Variants in ATG3 observed in about 807,000 individuals in gnomAD.
ATG3 encodes ubiquitin-like-conjugating enzyme ATG3.
Under a neutral mutation model 50.7 loss-of-function variants are expected in ATG3, and 25 were observed. The observed-to-expected ratio is 0.49, with a 90% confidence interval of 0.36 to 0.69. The LOEUF is 0.69. ATG3 is among the 30% of genes least tolerant of loss of function. The pLI is 0.00. For missense variants in ATG3, 281 were observed against 376.0 expected (o/e 0.75, Z 2.09); for synonymous variants, 119 against 125.5 (o/e 0.95, Z 0.34).
chr3:112,534,262 A>G lies in ATG3; in HGVS notation c.863+7T>C. 1 of 1,601,682 alleles carries G rather than the reference A, an allele frequency of 6.2e-7. No individual in the cohort carries two copies. Reference sequence around the variant, plus strand: ...TTGCCACTAATCTTACATACAGGGAAGGATACATATGAACTCCAAGTTCTC... The same window carrying G: ...TTGCCACTAATCTTACATACAGGGAGGGATACATATGAACTCCAAGTTCTC... On this transcript the variant is annotated splice_region_variant and intron_variant, in intron 11 of 11. Coordinates refer to ENST00000283290, the MANE Select transcript of ATG3 (RefSeq NM_022488.5).
chr3:112,541,218 C>T (rs1316580366), intron 7 of ATG3, among the ~76,000 whole-genome samples: 3 of 152,096 alleles, frequency 2.0e-5, no homozygotes, highest in Non-Finnish European at 2.9e-5. Context: ...GAAATCCCGT[C>T]TCTACTAAAA....
chr3:112,547,255 C>T (rs1376611417), intron 5 of ATG3, among the ~76,000 whole-genome samples: 1 of 152,128 alleles, frequency 6.6e-6, no homozygotes, highest in African/African-American at 2.4e-5. Flanking sequence ...TTATCCATTC[C>T]AAAAAACAGT....
At chr3:112,553,654 G>A (rs1243563545) in intron 2 of ATG3, among the ~76,000 whole-genome samples, 1 of 152,012 alleles carries the variant, frequency 6.6e-6, no homozygotes, top group Non-Finnish European at 1.5e-5. Context: ...TAAATGTAAG[G>A]CTATCAGATT....
rs1206075720 is a variant in ATG3, at chr3:112,558,820, T to A, written c.73-403A>T. On this transcript the variant is annotated intron_variant, in intron 1 of 11. Coordinates refer to ENST00000283290, the MANE Select transcript of ATG3 (RefSeq NM_022488.5). ...GGCGCCATCTTGGCTCACGGCAACC[T>A]CCACCTCCCGGGTTCAAGCGATTCT... Among the ~76,000 whole-genome samples, 3 of 151,554 alleles carry A rather than the reference T, an allele frequency of 2.0e-5. No homozygotes were observed. In the South Asian group the frequency reaches 6.3e-4, roughly 32 times the overall value.
At chr3:112,534,952 T>C (rs1932982878) in intron 10 of ATG3, 1 of 152,090 alleles carries the variant, frequency 6.6e-6, no homozygotes, top group South Asian at 2.1e-4. Context: ...TCCTAATAGG[T>C]ATTCTAAAAT....
At chr3:112,544,816 G>C (rs1933330276) in intron 5 of ATG3, among the ~76,000 whole-genome samples, 1 of 151,976 alleles carries the variant, frequency 6.6e-6, no homozygotes, top group Admixed American at 6.6e-5. Context: ...AAGTATTTCT[G>C]ATTTTTTTAG....
chr3:112,534,829 G>GT (rs923952427), intron 10 of ATG3: 3 of 151,024 alleles, frequency 2.0e-5, no homozygotes, highest in African/African-American at 7.3e-5. Context: ...AAGCAAAGAG[G>GT]TATCTATAAT....
chr3:112,537,832 C>A lies in ATG3; in HGVS notation c.569G>T (p.Gly190Val). The A allele has an allele frequency of 6.2e-7, 1 of 1,612,748 alleles. No homozygotes were observed. Among genetic ancestry groups the A allele is most frequent in the Non-Finnish European group, 8.5e-7 (1 of 1,179,548 alleles). ...TCTGGTTTGCAAAATAGCATCTTCA[C>A]CGCCAGCATCAGTTTTGGCTTTACA... is the stretch of plus-strand genomic sequence containing the variant. Reference protein sequence around the residue: ...EACKAKTDAGGEDAILQTRTY... With the variant: ...EACKAKTDAGVEDAILQTRTY... The change falls in exon 9 of 12, where the codon GGT becomes GTT. Residue 190 changes from glycine to valine, a missense_variant. Physicochemically the swap from Gly to Val is moderately radical, Grantham distance 109. Around this residue, in one of 3 missense-constraint regions of ATG3, gnomAD observed 242 missense variants for 305.0 expected, o/e 0.79. Transcript: ENST00000283290.
chr3:112,558,292 A>T, intron 2 of ATG3, 84 bp downstream of exon 2: 1 of 977,974 alleles, frequency 1.0e-6, no homozygotes. Context: ...TTAAAGTTCA[A>T]GATGTTTTCT....
chr3:112,535,566 T>G (rs1289847671), intron 10 of ATG3: 2 of 152,194 alleles, frequency 1.3e-5, no homozygotes, highest in Non-Finnish European at 2.9e-5. Context: ...AAACTAAAAC[T>G]AATGGCTCCT....
intron 5 of ATG3, among the ~76,000 whole-genome samples, chr3:112,545,557 C>T (rs1188889629): frequency 2.0e-5 from 3 of 152,138 alleles, no homozygotes. Flanking sequence ...TAGCACAAAG[C>T]TTTTACTTCA....
At chr3:112,555,233 T>A (rs1933635723) in intron 2 of ATG3, among the ~76,000 whole-genome samples, 2 of 152,122 alleles carry the variant, frequency 1.3e-5, no homozygotes, top group African/African-American at 4.8e-5. Flanking sequence ...AAACACAGAC[T>A]CACACTGATA....
chr3:112,548,905 G>C (rs1170815835), intron 4 of ATG3, among the ~76,000 whole-genome samples: 1 of 152,220 alleles, frequency 6.6e-6, no homozygotes, highest in Non-Finnish European at 1.5e-5. Flanking sequence ...CCTTTACCAT[G>C]ATGGTCTGTG....
intron 6 of ATG3, 172 bp downstream of exon 6, chr3:112,543,885 T>C: frequency 2.0e-6 from 1 of 491,552 alleles, no homozygotes; most frequent in Non-Finnish European, 3.7e-6. Context: ...TTTGGTGTGT[T>C]GAGACAGAAA....
chr3:112,548,718 G>C, intron 4 of ATG3, 78 bp from the exon 5 acceptor site: 9 of 1,278,362 alleles, frequency 7.0e-6, no homozygotes, highest in Non-Finnish European at 1.0e-5. Context: ...AGAGAGCTTA[G>C]TCCATAAAAT....
chr3:112,535,431 G>A (rs1933004884), intron 10 of ATG3: 1 of 152,042 alleles, frequency 6.6e-6, no homozygotes, highest in Non-Finnish European at 1.5e-5. Context: ...TCCCCCAACT[G>A]AGTAAAGTTT....
intron 11 of ATG3, 34 bp downstream of exon 11, chr3:112,534,235 T>G (rs1254420858): frequency 9.4e-6 from 15 of 1,592,718 alleles, no homozygotes; most frequent in Non-Finnish European, 1.3e-5. Context: ...TTAACAGCCA[T>G]TTTGCCACTA....
intron 9 of ATG3, 146 bp from the exon 10 acceptor site, chr3:112,536,748 C>G: frequency 1.4e-6 from 1 of 728,786 alleles, no homozygotes; most frequent in South Asian, 1.9e-5. Context: ...GGTGAAACAC[C>G]GTCTCTACTA....
At chr3:112,560,339 A>T (rs535810820) in intron 1 of ATG3, among the ~76,000 whole-genome samples, 6 of 152,398 alleles carry the variant, frequency 3.9e-5, no homozygotes, top group African/African-American at 1.4e-4. Flanking sequence ...ACAGTAAACA[A>T]ATGTAAGCAA....
Sources: allele counts gnomAD v4.1 joint callset (sites outside exome capture counted in the v4.1 genomes callset), GRCh38; gene constraint gnomAD v4.1.1; regional missense constraint gnomAD v4.1.1; transcripts MANE v1.5; gene names NCBI Gene and HGNC (gene_info 2026-07-23, HGNC 2026-07-21).